The following CACNA2D3 variants were observed in gnomAD, a reference collection of about 807,000 sequenced individuals.
The protein encoded by CACNA2D3 is calcium voltage-gated channel auxiliary subunit alpha2delta 3.
Under a neutral mutation model 160.6 loss-of-function variants are expected in CACNA2D3, and 60 were observed. That is an observed-to-expected ratio of 0.37 (90% CI 0.30 to 0.46). The LOEUF is 0.46. CACNA2D3 is among the 20% of genes least tolerant of loss of function. The probability of loss-of-function intolerance (pLI) is 1.00; values close to 1 mark genes in which losing one functional copy is unlikely to be tolerated. For missense variants in CACNA2D3, 1,205 were observed against 1,365.0 expected, an observed-to-expected ratio of 0.88 and a Z score of 1.85; for synonymous variants, 558 against 492.9, an observed-to-expected ratio of 1.13 and a Z score of -1.75.
At chr3:54,544,885 A>G (rs184891835) in intron 5 of CACNA2D3, among the ~76,000 whole-genome samples, 35 of 152,350 alleles carry the variant, frequency 2.3e-4, no homozygotes, top group Admixed American at 5.9e-4. Context: ...TATACAAAGT[A>G]AAACCAAGCT....
At chr3:54,805,550 G>A (rs1703099087) in intron 13 of CACNA2D3, among the ~76,000 whole-genome samples, 1 of 152,146 alleles carries the variant, frequency 6.6e-6, no homozygotes, top group African/African-American at 2.4e-5. Context: ...TGAAATTGTG[G>A]CAATAATCAA....
intron 11 of CACNA2D3, among the ~76,000 whole-genome samples, chr3:54,721,577 A>G (rs891915746): frequency 6.6e-6 from 1 of 152,026 alleles, no homozygotes; most frequent in African/African-American, 2.4e-5. Flanking sequence ...CCTGGCCAAC[A>G]TGGTGAAACC....
intron 3 of CACNA2D3, among the ~76,000 whole-genome samples, chr3:54,369,637 T>C (rs1329844736): frequency 1.3e-5 from 2 of 152,186 alleles, no homozygotes; most frequent in Non-Finnish European, 2.9e-5. Flanking sequence ...CCCAGACAGG[T>C]GTGCCCTCCA....
chr3:54,675,461 A>G (rs1700228314), intron 11 of CACNA2D3, among the ~76,000 whole-genome samples: 1 of 152,120 alleles, frequency 6.6e-6, no homozygotes, highest in African/African-American at 2.4e-5. Context: ...TTCTGTTGAC[A>G]GAGGAAAAAA....
chr3:54,407,117 C>G (rs192820372), intron 4 of CACNA2D3, among the ~76,000 whole-genome samples: 1 of 152,078 alleles, frequency 6.6e-6, no homozygotes, highest in Non-Finnish European at 1.5e-5. Flanking sequence ...ACTATTCTCA[C>G]TGGGGGTTTT....
intron 2 of CACNA2D3, among the ~76,000 whole-genome samples, chr3:54,205,036 C>T (rs1330584870): frequency 6.6e-6 from 1 of 152,032 alleles, no homozygotes; most frequent in Non-Finnish European, 1.5e-5. Flanking sequence ...AAGTTAAGAA[C>T]ATTCCCCATA....
intron 13 of CACNA2D3, among the ~76,000 whole-genome samples, chr3:54,808,061 G>T (rs186320456): frequency 4.8e-4 from 50 of 105,238 alleles, no homozygotes; most frequent in African/African-American, 1.8e-3. Flanking sequence ...GTTGTGGGGT[G>T]GGGGGAGGGG....
intron 3 of CACNA2D3, among the ~76,000 whole-genome samples, chr3:54,364,223 C>T (rs1698791240): frequency 6.6e-6 from 1 of 152,168 alleles, no homozygotes; most frequent in South Asian, 2.1e-4. Flanking sequence ...TTAGTAAAGA[C>T]TTTTTTGACA....
chr3:54,280,207 G>A (rs7637089), intron 2 of CACNA2D3, among the ~76,000 whole-genome samples: 21,369 of 151,830 alleles, frequency 0.14, 1,702 homozygotes, highest in African/African-American at 0.22. Flanking sequence ...TCAGCCTCCT[G>A]AGTAGCTGGA....
At position 54,493,164 on chromosome 3, in the gene CACNA2D3, G is replaced by A. The variant is rs573679847; in HGVS notation, c.382-10328G>A. Among the ~76,000 whole-genome samples, 277 of 134,560 alleles carry A rather than the reference G, an allele frequency of 2.1e-3. 1 individual carries two copies. Among genetic ancestry groups the A allele is most frequent in the African/African-American group, 7.0e-3 (251 of 35,660 alleles). 88.3% of individuals were successfully genotyped at this position (134,560 alleles called of 152,430 possible). On this transcript the variant is annotated intron_variant, in intron 4 of 37. Transcript: ENST00000474759. ...ACAATCTCGGCTCGCTGCAACCTCC[G>A]CCTCCTGGGTTCAAGCAATTCTCCT... is the stretch of plus-strand genomic sequence containing the variant.
intron 6 of CACNA2D3, among the ~76,000 whole-genome samples, chr3:54,563,836 T>A (rs1022426477): frequency 6.6e-6 from 1 of 152,176 alleles, no homozygotes; most frequent in Admixed American, 6.5e-5. Flanking sequence ...GCCTCTGCCT[T>A]GCGGAGCTGT....
chr3:54,831,984 C>G (rs1467688530), intron 14 of CACNA2D3, among the ~76,000 whole-genome samples: 1 of 141,278 alleles, frequency 7.1e-6, no homozygotes, highest in Non-Finnish European at 1.5e-5. Flanking sequence ...TTTTTTCCTC[C>G]CTCCCTCTTT....
intron 13 of CACNA2D3, among the ~76,000 whole-genome samples, chr3:54,779,687 A>C (rs944765861): frequency 6.6e-6 from 1 of 152,060 alleles, no homozygotes; most frequent in Non-Finnish European, 1.5e-5. Context: ...TCTGAACTGG[A>C]AAGACTCCCC....
chr3:54,136,009 C>G (rs10048971), intron 2 of CACNA2D3, among the ~76,000 whole-genome samples: 36 of 152,334 alleles, frequency 2.4e-4, no homozygotes, highest in African/African-American at 8.4e-4. Flanking sequence ...GAGCCCCATG[C>G]CTTGTCTGCT....
At chr3:54,813,421 C>A (rs572451648) in intron 13 of CACNA2D3, among the ~76,000 whole-genome samples, 2 of 152,106 alleles carry the variant, frequency 1.3e-5, no homozygotes, top group South Asian at 4.2e-4. Flanking sequence ...ATCCAGGGGT[C>A]ACTGAGACAT....
chr3:54,274,669 T>C (rs1444639235), intron 2 of CACNA2D3, among the ~76,000 whole-genome samples: 1 of 152,250 alleles, frequency 6.6e-6, no homozygotes. Flanking sequence ...CTAGGTTCTC[T>C]GTCCAGGATC....
At chr3:54,904,142 GCA>G (rs1700402432) in intron 27 of CACNA2D3, among the ~76,000 whole-genome samples, 1 of 152,214 alleles carries the variant, frequency 6.6e-6, no homozygotes, top group African/African-American at 2.4e-5. Context: ...GGGCAAGAGA[GCA>G]CACACAAGAG....
chr3:54,623,256 C>A (rs926492597), intron 9 of CACNA2D3, among the ~76,000 whole-genome samples: 5 of 152,212 alleles, frequency 3.3e-5, no homozygotes, highest in African/African-American at 1.2e-4. Context: ...TACCTTCATT[C>A]AGGTGTGCAC....
At position 54,809,326 on chromosome 3, in the gene CACNA2D3, T is replaced by TCATTCTTTCTTCCCCTCCCTCCCTTCC. The variant is rs1559590283; in HGVS notation, c.1381-7527_1381-7526insCATTCTTTCTTCCCCTCCCTCCCTTCC. Among the ~76,000 whole-genome samples, 6 of 120,086 alleles carry TCATTCTTTCTTCCCCTCCCTCCCTTCC rather than the reference T, an allele frequency of 5.0e-5. 1 individual carries two copies. The highest frequency in any genetic ancestry group is 2.2e-4 in the African/African-American group (6 of 27,620). 78.8% of individuals were successfully genotyped at this position (120,086 alleles called of 152,430 possible). Reference sequence around the variant, plus strand: ...TTCCTTCTTTCTTTTTTTTTTTTTTTTTTGAGACGGAGTCTCGCTCTGTCG... The same window carrying TCATTCTTTCTTCCCCTCCCTCCCTTCC: ...TTCCTTCTTTCTTTTTTTTTTTTTTTCATTCTTTCTTCCCCTCCCTCCCTTCCTTTGAGACGGAGTCTCGCTCTGTCG... On this transcript the variant is annotated intron_variant, in intron 13 of 37. Coordinates refer to ENST00000474759, the MANE Select transcript of CACNA2D3 (RefSeq NM_018398.3).
Sources: allele counts gnomAD v4.1 joint callset (sites outside exome capture counted in the v4.1 genomes callset), GRCh38; gene constraint gnomAD v4.1.1; transcripts MANE v1.5; gene names NCBI Gene and HGNC (gene_info 2026-07-23, HGNC 2026-07-21).